The following CTNNA2 variants were observed in gnomAD, a reference collection of about 807,000 sequenced individuals.
CTNNA2 encodes catenin alpha-2.
CTNNA2 carries 42 observed loss-of-function variants against 101.0 expected under a neutral mutation model. The observed-to-expected ratio is 0.42, with a 90% CI of 0.32 to 0.54. The LOEUF is 0.54. Ranked by LOEUF, CTNNA2 falls within the 20% of genes least tolerant of loss-of-function variation. CTNNA2 has a pLI of 0.14. For missense variants in CTNNA2, 871 were observed against 1,223.1 expected (o/e 0.71, Z 4.29); for synonymous variants, 450 against 456.4 (o/e 0.99, Z 0.18).
intron 7 of CTNNA2, among the ~76,000 whole-genome samples, chr2:79,973,754 A>G (rs1225560511): frequency 6.6e-6 from 1 of 152,158 alleles, no homozygotes; most frequent in Non-Finnish European, 1.5e-5. Flanking sequence ...AGTGTTACAT[A>G]ATTGTTTTGA....
At position 80,516,256 on chromosome 2, in the gene CTNNA2, T is replaced by C. The variant is rs139375587; in HGVS notation, c.1291-28726T>C. On this transcript the variant is annotated intron_variant, in intron 9 of 18. Coordinates refer to ENST00000402739, the MANE Select transcript of CTNNA2 (RefSeq NM_001282597.3). ...GAATATCTAAGCAACATTGGGTTTTTTTCTCAGGGCAGAAGCAGAGAGATG... is the reference window on the plus strand; with the variant it reads ...GAATATCTAAGCAACATTGGGTTTTCTTCTCAGGGCAGAAGCAGAGAGATG... Among the ~76,000 whole-genome samples the C allele has an allele frequency of 5.1e-3, 775 of 152,302 alleles. 8 individuals carry two copies. The highest frequency in any genetic ancestry group is 6.4e-3 in the Non-Finnish European group (436 of 68,018).
At chr2:79,468,925 C>T (rs1282565855) in intron 4 of CTNNA2, among the ~76,000 whole-genome samples, 1 of 152,110 alleles carries the variant, frequency 6.6e-6, no homozygotes, top group South Asian at 2.1e-4. Context: ...CAAGAGAAAG[C>T]AGGAAAGATC....
intron 12 of CTNNA2, among the ~76,000 whole-genome samples, chr2:80,567,526 T>C (rs1296957367): frequency 3.3e-5 from 5 of 152,118 alleles, no homozygotes. Flanking sequence ...CTTTTACCCT[T>C]TTTTCCTCTC....
rs116432615 is a variant in CTNNA2 at position 79,786,992 on chromosome 2, A to G, written c.298+42410A>G. On this transcript the variant is annotated intron_variant, in intron 3 of 18. Coordinates refer to ENST00000402739, the MANE Select transcript of CTNNA2 (RefSeq NM_001282597.3). Reference sequence around the variant, plus strand: ...TTGGCATTATCTCCCCTATTATTCAATCCATGCCTTGGCATTATCTCCTCT... The same window carrying G: ...TTGGCATTATCTCCCCTATTATTCAGTCCATGCCTTGGCATTATCTCCTCT... 3.7e-3 allele frequency among the ~76,000 whole-genome samples: 555 copies of G among 151,890 alleles called. 4 individuals carry two copies. Among genetic ancestry groups the G allele is most frequent in the African/African-American group, 0.012 (512 of 41,404 alleles).
intron 4 of CTNNA2, among the ~76,000 whole-genome samples, chr2:79,410,386 C>A (rs1375537690): frequency 6.7e-6 from 1 of 149,168 alleles, no homozygotes; most frequent in Non-Finnish European, 1.5e-5. Flanking sequence ...TGCCAGTTTT[C>A]AAAGGGAATG....
intron 4 of CTNNA2, among the ~76,000 whole-genome samples, chr2:79,502,461 C>G (rs959818682): frequency 2.0e-5 from 3 of 152,136 alleles, no homozygotes; most frequent in Non-Finnish European, 4.4e-5. Context: ...TGGTCATTCC[C>G]TGTCACACAT....
Position 79,782,966 on chromosome 2 carries a change from CTT to C in CTNNA2, c.298+38395_298+38396del, listed in dbSNP as rs36059702. Reference sequence around the variant, plus strand: ...GTTTTCTTCCTTCTTTCTTGACAGTCTTTTTTTTTTTTGTCTTCTGCCAGTTT... The same window carrying C: ...GTTTTCTTCCTTCTTTCTTGACAGTCTTTTTTTTTTGTCTTCTGCCAGTTT... On this transcript the variant is annotated intron_variant, in intron 3 of 18. Coordinates refer to ENST00000402739, the MANE Select transcript of CTNNA2 (RefSeq NM_001282597.3). 4.1e-3 allele frequency among the ~76,000 whole-genome samples: 592 copies of C among 145,976 alleles called. 4 individuals carry two copies. The highest frequency in any genetic ancestry group is 0.014 in the Middle Eastern group (4 of 282).
chr2:79,267,326 G>T (rs1558592296), intron 2 of CTNNA2, among the ~76,000 whole-genome samples: 1 of 152,116 alleles, frequency 6.6e-6, no homozygotes. Context: ...GACACTGGCA[G>T]AGTCACTGTC....
chr2:79,811,343 T>C (rs1426316290), intron 3 of CTNNA2, among the ~76,000 whole-genome samples: 2 of 152,208 alleles, frequency 1.3e-5, no homozygotes, highest in Non-Finnish European at 2.9e-5. Context: ...GGAGTGTCTG[T>C]TGATATGCTT....
chr2:79,482,561 T>A (rs951881916), intron 4 of CTNNA2, among the ~76,000 whole-genome samples: 14 of 152,158 alleles, frequency 9.2e-5, no homozygotes, highest in African/African-American at 2.9e-4. Context: ...ATTTTTTTTT[T>A]AAACCAGATG....
At chr2:79,827,887 A>C (rs1275892179) in intron 3 of CTNNA2, among the ~76,000 whole-genome samples, 1 of 152,228 alleles carries the variant, frequency 6.6e-6, no homozygotes, top group Non-Finnish European at 1.5e-5. Flanking sequence ...GTTATGTCAA[A>C]GCAAGTTGGT....
At chr2:80,359,718 A>G (rs1454403739) in intron 7 of CTNNA2, among the ~76,000 whole-genome samples, 3 of 152,130 alleles carry the variant, frequency 2.0e-5, no homozygotes, top group Non-Finnish European at 2.9e-5. Flanking sequence ...TCTTCTCTTT[A>G]TAAGTTACTC....
At chr2:79,542,301 A>G (rs371667383) in intron 1 of CTNNA2, among the ~76,000 whole-genome samples, 14 of 152,260 alleles carry the variant, frequency 9.2e-5, no homozygotes, top group African/African-American at 2.4e-4. Flanking sequence ...AAAATGCACT[A>G]TGTTATCTGA....
chr2:79,494,661 G>T (rs1671236928), intron 4 of CTNNA2, among the ~76,000 whole-genome samples: 1 of 152,012 alleles, frequency 6.6e-6, no homozygotes, highest in South Asian at 2.1e-4. Flanking sequence ...AGTCAAAATG[G>T]ATTATAGATA....
intron 9 of CTNNA2, among the ~76,000 whole-genome samples, chr2:80,512,919 A>AT (rs143067074): frequency 1.1e-3 from 170 of 152,240 alleles, no homozygotes; most frequent in Middle Eastern, 6.8e-3. Flanking sequence ...CCAAGAATCA[A>AT]TTTTTGTCCC....
chr2:79,363,951 G>A (rs1265255741), intron 3 of CTNNA2, among the ~76,000 whole-genome samples: 1 of 152,150 alleles, frequency 6.6e-6, no homozygotes, highest in Non-Finnish European at 1.5e-5. Context: ...GCTAACTCCT[G>A]ATTGGTAAAG....
At chr2:80,040,825 C>T (rs1448620078) in intron 7 of CTNNA2, among the ~76,000 whole-genome samples, 1 of 151,952 alleles carries the variant, frequency 6.6e-6, no homozygotes, top group African/African-American at 2.4e-5. Context: ...TTTGACCTAA[C>T]AGTTTGATGT....
chr2:80,500,169 T>C (rs1380178379), intron 9 of CTNNA2, among the ~76,000 whole-genome samples: 1 of 152,170 alleles, frequency 6.6e-6, no homozygotes, highest in Non-Finnish European at 1.5e-5. Context: ...AAGTAGATAC[T>C]TTTTAATATA....
chr2:79,633,442 C>T (rs978806188), intron 1 of CTNNA2, among the ~76,000 whole-genome samples: 1 of 152,064 alleles, frequency 6.6e-6, no homozygotes, highest in Admixed American at 6.5e-5. Flanking sequence ...GGAAAATATC[C>T]CACATATTTT....
Sources: allele counts gnomAD v4.1 joint callset (sites outside exome capture counted in the v4.1 genomes callset), GRCh38; gene constraint gnomAD v4.1.1; transcripts MANE v1.5; gene names NCBI Gene and HGNC (gene_info 2026-07-23, HGNC 2026-07-21).